DST: variants seen among roughly 807,000 people sequenced by gnomAD.
DST encodes the protein dystonin, also known as bullous pemphigoid antigen.
In DST, 253 loss-of-function variants were observed where a neutral mutation model predicts 875.2. That is an observed-to-expected ratio of 0.29 (90% CI 0.26 to 0.32). The LOEUF (loss-of-function observed/expected upper bound fraction) is 0.32, where lower values mean the gene tolerates loss of function less well. Among genes scored for constraint, DST ranks in the 10% least tolerant of loss-of-function variants. DST has a pLI of 1.00. For synonymous variants in DST, 3,124 were observed against 3,197.1 expected (o/e 0.98, Z 0.77); for missense variants, 8,287 against 9,111.6 (o/e 0.91, Z 3.68).
Position 56,509,576 on chromosome 6 carries a change from C to T in DST, c.19012+66G>A, listed in dbSNP as rs549220071. 68 of 1,218,956 alleles carry T rather than the reference C, an allele frequency of 5.6e-5. 1 individual carries two copies. Among genetic ancestry groups the T allele is most frequent in the Middle Eastern group, 3.8e-4 (2 of 5,198 alleles). The allele number at this position is 1,218,956 out of a possible 1,614,324, so 75.5% of individuals were successfully genotyped here. A position where few individuals can be genotyped will look rare whatever the true frequency, so the allele number is the denominator to read the frequency against. ...TGCGGCATTTTGTTATCCAATTGGA[C>T]GGTGAGTAAACCGCATAAACATTTA... On this transcript the variant is annotated intron_variant, in intron 74 of 103. Coordinates refer to ENST00000680361, the MANE Select transcript of DST (RefSeq NM_001374736.1).
intron 90 of DST, among the ~76,000 whole-genome samples, chr6:56,480,190 C>T (rs945824520): frequency 6.6e-6 from 1 of 152,196 alleles, no homozygotes; most frequent in Admixed American, 6.5e-5. Flanking sequence ...ATTGACAGCA[C>T]ACTCTGATAA....
At chr6:56,587,903 T>C (rs2098192045) in intron 49 of DST, among the ~76,000 whole-genome samples, 1 of 151,822 alleles carries the variant, frequency 6.6e-6, no homozygotes, top group Admixed American at 6.6e-5. Context: ...AAAGAGCGCC[T>C]GAAGGAAGCA....
At chr6:56,658,334 C>A (rs564823892) in intron 10 of DST, among the ~76,000 whole-genome samples, 1 of 152,318 alleles carries the variant, frequency 6.6e-6, no homozygotes, top group African/African-American at 2.4e-5. Context: ...TGCTCTCTGA[C>A]TTTGGACACA....
At chr6:56,667,451 T>C (rs985660172) in intron 10 of DST, among the ~76,000 whole-genome samples, 2 of 152,192 alleles carry the variant, frequency 1.3e-5, no homozygotes, top group African/African-American at 4.8e-5. Context: ...AACGAAGTTC[T>C]ACAGATGAAA....
At chr6:56,880,702 G>GAAAAAAAAAAAAAAAAAAAA (rs1278713001) in intron 3 of DST, among the ~76,000 whole-genome samples, 1 of 89,744 alleles carries the variant, frequency 1.1e-5, no homozygotes. Flanking sequence ...AAAGAAAAAA[G>GAAAAAAAAAAAAAAAAAAAA]AAAAAAAAAA....
At chr6:56,865,728 C>T (rs899844986) in intron 3 of DST, among the ~76,000 whole-genome samples, 6 of 152,122 alleles carry the variant, frequency 3.9e-5, no homozygotes, top group Non-Finnish European at 8.8e-5. Context: ...GTTACCTTCT[C>T]ACCTGCCTTC....
intron 4 of DST, among the ~76,000 whole-genome samples, chr6:56,762,682 G>A (rs564670243): frequency 2.6e-5 from 4 of 152,088 alleles, no homozygotes; most frequent in South Asian, 4.2e-4. Flanking sequence ...AAATACCTGC[G>A]CAACTACTTT....
chr6:56,523,819 G>A (rs564368739), intron 69 of DST, among the ~76,000 whole-genome samples: 1 of 152,224 alleles, frequency 6.6e-6, no homozygotes, highest in South Asian at 2.1e-4. Flanking sequence ...CATCATGTGT[G>A]GCTGTTGGTA....
intron 88 of DST, chr6:56,484,311 C>A (rs1379004340): frequency 6.6e-6 from 1 of 151,948 alleles, no homozygotes; most frequent in Non-Finnish European, 1.5e-5. Context: ...GTAGACTTGA[C>A]CAATGTTCTT....
rs1232662158 is a variant in DST at position 56,822,835 on chromosome 6, AT to A, written c.625+28561del. On this transcript the variant is annotated intron_variant, in intron 4 of 103. Coordinates refer to ENST00000680361, the MANE Select transcript of DST (RefSeq NM_001374736.1). ...TATTTTTATTTTATTTTATTTATTTATTTTTTTTTTGAGAAGGAGTCTCGTT... is the reference window on the plus strand; with the variant it reads ...TATTTTTATTTTATTTTATTTATTTATTTTTTTTTGAGAAGGAGTCTCGTT... 5.5e-3 allele frequency among the ~76,000 whole-genome samples: 809 copies of A among 148,282 alleles called. 6 individuals carry two copies. Among genetic ancestry groups the A allele is most frequent in the African/African-American group, 0.019 (759 of 40,504 alleles).
chr6:56,684,843 T>G (rs1015313734), intron 9 of DST, among the ~76,000 whole-genome samples: 1 of 152,320 alleles, frequency 6.6e-6, no homozygotes, highest in South Asian at 2.1e-4. Context: ...TCTCGGCTTC[T>G]ATACTGGCAA....
chr6:56,527,863 TACTC>T, intron 67 of DST, 129 bp from the exon 68 acceptor site: 1 of 964,332 alleles, frequency 1.0e-6, no homozygotes, highest in Non-Finnish European at 1.4e-6. Flanking sequence ...AAGATAATCT[TACTC>T]AAGAGAAGCC....
intron 92 of DST, among the ~76,000 whole-genome samples, chr6:56,475,592 G>A (rs1333111168): frequency 6.6e-6 from 1 of 152,192 alleles, no homozygotes; most frequent in Non-Finnish European, 1.5e-5. Context: ...TAGGAAGGCT[G>A]CTTTTCCTAA....
At position 56,618,582 on chromosome 6, in the gene DST, G is replaced by T. The variant is rs759140816; in HGVS notation, c.4930-4098C>A. 2.5e-6 allele frequency: 4 copies of T among 1,613,962 alleles called. No individual in the cohort carries two copies. The highest frequency in any genetic ancestry group is 1.7e-5 in the Admixed American group (1 of 59,988). On this transcript the variant is annotated intron_variant, in intron 36 of 103. Transcript: ENST00000680361. ...TGGTAATGATTTGCTTCCATGTGCT[G>T]CCCTTGCTGCATTTGTTCACGATAC...
intron 9 of DST, among the ~76,000 whole-genome samples, chr6:56,673,017 G>A (rs898975510): frequency 5.3e-5 from 8 of 152,130 alleles, no homozygotes; most frequent in African/African-American, 1.9e-4. Flanking sequence ...CACATTGGGA[G>A]GCCAAAATGA....
chr6:56,941,696 G>T (rs937083875), intron 2 of DST, among the ~76,000 whole-genome samples: 6 of 152,136 alleles, frequency 3.9e-5, no homozygotes, highest in African/African-American at 1.4e-4. Context: ...GCCCAGGCTG[G>T]TCTCAAACTC....
Position 56,597,788 on chromosome 6 carries a change from T to C in DST, c.12147A>G (p.Gln4049=). 2 of 1,613,962 alleles carry C rather than the reference T, an allele frequency of 1.2e-6. No homozygotes were observed. The highest frequency in any genetic ancestry group is 1.7e-6 in the Non-Finnish European group (2 of 1,179,842). ...GNLLETDVDG[Q]VGTTQENLNQ... is the part of the protein sequence containing the mutation. ...TCAGATTCTCCTGAGTGGTTCCAAC[T>C]TGCCCATCAACATCAGTCTCCAACA... The change falls in exon 47 of 104, where the codon CAA becomes CAG. Residue 4049 remains glutamine (Q), a synonymous_variant. Coordinates refer to ENST00000680361, the MANE Select transcript of DST (RefSeq NM_001374736.1).
At chr6:56,900,658 G>A in intron 2 of DST, 37 bp from the exon 3 acceptor site, 1 of 1,349,604 alleles carries the variant, frequency 7.4e-7, no homozygotes, top group Non-Finnish European at 9.9e-7. Flanking sequence ...ATCCAGATTT[G>A]TATTGAGTTA....
In DST at chr6:56,647,652, T is replaced by G. The variant is rs191314944; in HGVS notation, c.1554+918A>C. On this transcript the variant is annotated intron_variant, in intron 13 of 103. Coordinates refer to ENST00000680361, the MANE Select transcript of DST (RefSeq NM_001374736.1). ...TATACAAATGAGACAACTTACTCTT[T>G]AATAAGTTTACATATTTGTAATGGC... Among the ~76,000 whole-genome samples, 795 of 152,210 alleles carry G rather than the reference T, an allele frequency of 5.2e-3. 6 individuals are homozygous for G. Among genetic ancestry groups the G allele is most frequent in the African/African-American group, 0.018 (751 of 41,534 alleles).
Sources: allele counts gnomAD v4.1 joint callset (sites outside exome capture counted in the v4.1 genomes callset), GRCh38; gene constraint gnomAD v4.1.1; transcripts MANE v1.5; gene names NCBI Gene and HGNC (gene_info 2026-07-23, HGNC 2026-07-21).